The following ATP10B variants were observed in gnomAD, a reference collection of about 807,000 sequenced individuals.
ATP10B encodes the protein ATPase phospholipid transporting 10B (putative), also known as phospholipid-transporting ATPase VB.
Under a neutral mutation model 141.2 loss-of-function variants are expected in ATP10B, and 122 were observed. The observed-to-expected ratio is 0.86, with a 90% CI of 0.75 to 1.00. ATP10B has a LOEUF of 1.00. Ranked by LOEUF, ATP10B falls within the 50% of genes least tolerant of loss-of-function variation. ATP10B has a pLI of 0.00. For synonymous variants in ATP10B, 685 were observed against 692.0 expected (o/e 0.99, Z 0.16); for missense variants, 1,876 against 1,825.3 (o/e 1.03, Z -0.51).
At chr5:160,635,530 T>C (rs920255277) in intron 11 of ATP10B, among the ~76,000 whole-genome samples, 1 of 152,160 alleles carries the variant, frequency 6.6e-6, no homozygotes, top group African/African-American at 2.4e-5. Flanking sequence ...GCAAGATGAA[T>C]GGAAAATAAT....
At chr5:160,648,992 C>CA (rs369416034) in intron 8 of ATP10B, among the ~76,000 whole-genome samples, 179 bp downstream of exon 8, 8,065 of 120,250 alleles carry the variant, frequency 0.067, 615 homozygotes, top group African/African-American at 0.2. Flanking sequence ...TATCACTCAG[C>CA]AAAAAAAAAA....
the ATP10B span, among the ~76,000 whole-genome samples, chr5:160,896,125 T>C: frequency 1.2e-4 from 18 of 150,856 alleles, no homozygotes; most frequent in Admixed American, 1.2e-3. Context: ...CCTAACATCA[T>C]AATGAAAAGA....
intron 18 of ATP10B, 22 bp downstream of exon 18, chr5:160,612,719 T>C (rs1373450572): frequency 6.2e-7 from 1 of 1,602,134 alleles, no homozygotes; most frequent in Non-Finnish European, 8.5e-7. Context: ...TCTGCAGATA[T>C]CAATACAGAG....
the ATP10B span, among the ~76,000 whole-genome samples, chr5:160,921,343 C>A: frequency 4.0e-5 from 6 of 150,658 alleles, no homozygotes; most frequent in Admixed American, 3.3e-4. Flanking sequence ...CTGCCTCATT[C>A]TTTTTTATTG....
At chr5:160,784,386 A>T (rs949554496) in intron 2 of ATP10B, among the ~76,000 whole-genome samples, 1 of 152,168 alleles carries the variant, frequency 6.6e-6, no homozygotes, top group Non-Finnish European at 1.5e-5. Flanking sequence ...TAAAAAACTA[A>T]TTTTTAGCTT....
the ATP10B span, among the ~76,000 whole-genome samples, chr5:160,886,318 G>A: frequency 6.6e-6 from 1 of 152,154 alleles, no homozygotes; most frequent in African/African-American, 2.4e-5. Context: ...TTTGATGGAG[G>A]ACTTGAAAGA....
At chr5:160,788,934 A>G (rs764714006) in intron 1 of ATP10B, among the ~76,000 whole-genome samples, 2 of 152,192 alleles carry the variant, frequency 1.3e-5, no homozygotes, top group South Asian at 2.1e-4. Context: ...TGTGCTAGGC[A>G]TCGGTATGTG....
intron 2 of ATP10B, among the ~76,000 whole-genome samples, chr5:160,758,394 G>C (rs886368139): frequency 6.6e-6 from 1 of 152,100 alleles, no homozygotes; most frequent in Admixed American, 6.5e-5. Context: ...TTGATACATG[G>C]CAGATATTAT....
rs555880852 is a variant in ATP10B at position 160,627,307 on chromosome 5, G to T, written c.1621-4722C>A. On this transcript the variant is annotated intron_variant, in intron 13 of 25. Coordinates refer to ENST00000327245, the MANE Select transcript of ATP10B (RefSeq NM_025153.3). ...CAGAGAGCATTGTCCCATAGTCACT[G>T]GTGCTCCTTTTGCCCCTTCATTGAG... is the stretch of plus-strand genomic sequence containing the variant. Among the ~76,000 whole-genome samples, 5 of 152,276 alleles carry T rather than the reference G, an allele frequency of 3.3e-5. No homozygotes were observed. In the South Asian group the frequency reaches 8.3e-4, roughly 25 times the overall value.
chr5:160,775,842 G>A (rs1030786824), intron 2 of ATP10B, among the ~76,000 whole-genome samples: 6 of 151,850 alleles, frequency 4.0e-5, no homozygotes, highest in South Asian at 2.1e-4. Flanking sequence ...CACCATGCCC[G>A]GCTAATTTTT....
Position 160,632,199 on chromosome 5 carries a change from C to T in ATP10B, c.1550G>A (p.Gly517Asp), listed in dbSNP as rs767588522. ...CCCCATAGACCTTTGCCGGTAGTGG[C>T]CCTGGATGGGCACCCGGGCACTCTG... ...RSQSARVPIQ[G>D]HYRQRSMGHR... Residue 517 changes from glycine to aspartate, a missense_variant, in exon 13 of 26, where the codon GGC becomes GAC. Coordinates refer to ENST00000327245, the MANE Select transcript of ATP10B (RefSeq NM_025153.3). 1.2e-5 allele frequency: 20 copies of T among 1,614,088 alleles called. No individual in the cohort carries two copies. The East Asian group carries it at 1.3e-4, about 11-fold the overall frequency.
chr5:160,819,200 A>G (rs1773918378), intron 1 of ATP10B, among the ~76,000 whole-genome samples: 1 of 152,136 alleles, frequency 6.6e-6, no homozygotes, highest in Non-Finnish European at 1.5e-5. Flanking sequence ...AACAAATCAC[A>G]TACAATGGAG....
chr5:160,860,121 A>C, the ATP10B span, among the ~76,000 whole-genome samples: 5 of 152,026 alleles, frequency 3.3e-5, no homozygotes, highest in Non-Finnish European at 7.4e-5. Context: ...AACGATATTC[A>C]ATTGTCTGCC....
intron 6 of ATP10B, among the ~76,000 whole-genome samples, chr5:160,683,887 T>C (rs988538755): frequency 1.3e-5 from 2 of 152,204 alleles, no homozygotes; most frequent in Admixed American, 6.5e-5. Context: ...CTTCTTTCCT[T>C]GCCAAGTGAG....
chr5:160,814,030 G>T (rs952613772), intron 1 of ATP10B, among the ~76,000 whole-genome samples: 1 of 152,134 alleles, frequency 6.6e-6, no homozygotes, highest in Non-Finnish European at 1.5e-5. Context: ...ACAAAGATGG[G>T]TAAAAAACAG....
chr5:160,655,221 G>A (rs1324638551), intron 7 of ATP10B, among the ~76,000 whole-genome samples: 1 of 152,100 alleles, frequency 6.6e-6, no homozygotes, highest in Non-Finnish European at 1.5e-5. Context: ...AAGGGTAAGG[G>A]TTAAAGTTAA....
At chr5:160,688,666 G>C (rs1404933434) in intron 4 of ATP10B, 94 bp downstream of exon 4, 6 of 654,546 alleles carry the variant, frequency 9.2e-6, no homozygotes, top group Non-Finnish European at 1.1e-5. Flanking sequence ...AATATATTGG[G>C]ACACATCTTA....
chr5:160,652,802 TTATATAA>T (rs1293290312), intron 7 of ATP10B, among the ~76,000 whole-genome samples: 4 of 96,136 alleles, frequency 4.2e-5, no homozygotes, highest in South Asian at 2.7e-4. Context: ...ATATAATATA[TTATATAA>T]TATATTATAT....
At chr5:160,861,582 G>A in the ATP10B span, among the ~76,000 whole-genome samples, 8 of 151,930 alleles carry the variant, frequency 5.3e-5, no homozygotes, top group Admixed American at 1.3e-4. Context: ...TTTGATATTC[G>A]TAAAGTATGG....
Sources: allele counts gnomAD v4.1 joint callset (sites outside exome capture counted in the v4.1 genomes callset), GRCh38; gene constraint gnomAD v4.1.1; transcripts MANE v1.5; gene names NCBI Gene and HGNC (gene_info 2026-07-23, HGNC 2026-07-21).